SOCS2: variants seen among roughly 807,000 people sequenced by gnomAD.
SOCS2 encodes the protein suppressor of cytokine signaling 2.
A neutral mutation model predicts 18.6 loss-of-function variants in SOCS2; 10 were observed. The observed-to-expected ratio is 0.54, with a 90% confidence interval of 0.33 to 0.91. The LOEUF (loss-of-function observed/expected upper bound fraction) is 0.91, where lower values mean the gene tolerates loss of function less well. Ranked by LOEUF, SOCS2 falls within the 40% of genes least tolerant of loss-of-function variation. The pLI, the probability that SOCS2 is intolerant of heterozygous loss-of-function variation, is 0.02. For synonymous variants in SOCS2, 104 were observed against 104.0 expected, an observed-to-expected ratio of 1.00 and a Z score of 0.00; for missense variants, 231 against 247.2, an observed-to-expected ratio of 0.93 and a Z score of 0.44.
At chr12:93,598,416 G>A in the SOCS2 span, among the ~76,000 whole-genome samples, 1 of 152,146 alleles carries the variant, frequency 6.6e-6, no homozygotes, top group Non-Finnish European at 1.5e-5. Flanking sequence ...GGCTGCAGTG[G>A]GAAGCCATTG....
At chr12:93,577,864 GA>G (rs1954488870), downstream of SOCS2, among the ~76,000 whole-genome samples, 3 of 152,162 alleles carry the variant, frequency 2.0e-5, no homozygotes, top group East Asian at 1.9e-4. Context: ...ATACATGGTG[GA>G]AAAAAAGTAC....
At chr12:93,582,747 G>C (rs1325775969) in intron 1 of SOCS2, among the ~76,000 whole-genome samples, 1 of 152,102 alleles carries the variant, frequency 6.6e-6, no homozygotes, top group Non-Finnish European at 1.5e-5. Flanking sequence ...CTCTGACCTT[G>C]GGCCAAACAT....
At chr12:93,619,055 A>G in the SOCS2 span, among the ~76,000 whole-genome samples, 1 of 152,216 alleles carries the variant, frequency 6.6e-6, no homozygotes, top group Non-Finnish European at 1.5e-5. Flanking sequence ...CAGGGTTAAG[A>G]GAACACATGA....
At chr12:93,601,215 C>G in the SOCS2 span, among the ~76,000 whole-genome samples, 1 of 150,984 alleles carries the variant, frequency 6.6e-6, no homozygotes, top group South Asian at 2.1e-4. Context: ...TGAATTCTTA[C>G]TAATTCTAAT....
the SOCS2 span, among the ~76,000 whole-genome samples, chr12:93,594,308 C>T: frequency 6.6e-6 from 1 of 152,112 alleles, no homozygotes; most frequent in South Asian, 2.1e-4. Flanking sequence ...TTGAGCTGAA[C>T]TCTGAGGCTC....
At chr12:93,625,303 A>G in the SOCS2 span, among the ~76,000 whole-genome samples, 1 of 152,246 alleles carries the variant, frequency 6.6e-6, no homozygotes, top group Non-Finnish European at 1.5e-5. Context: ...TTACCGTCAT[A>G]GTATACTCCA....
chr12:93,586,975 C>A (rs1291635994), downstream of SOCS2, among the ~76,000 whole-genome samples: 5 of 152,130 alleles, frequency 3.3e-5, no homozygotes, highest in Middle Eastern at 3.2e-3. Flanking sequence ...CAAGACCAGC[C>A]TGGCCAACAT....
chr12:93,598,724 A>G, the SOCS2 span, among the ~76,000 whole-genome samples: 1 of 151,924 alleles, frequency 6.6e-6, no homozygotes, highest in Non-Finnish European at 1.5e-5. Context: ...TTCTTTATCT[A>G]TTAATTTACT....
upstream of SOCS2, chr12:93,571,758 G>T: frequency 3.1e-6 from 1 of 326,106 alleles, no homozygotes; most frequent in Non-Finnish European, 6.1e-6. Flanking sequence ...CGGGCATCTC[G>T]TTCCCAAATT....
the SOCS2 span, among the ~76,000 whole-genome samples, chr12:93,604,251 T>C: frequency 7.9e-5 from 12 of 152,266 alleles, no homozygotes; most frequent in East Asian, 7.7e-4. Flanking sequence ...AATCCTCTGA[T>C]GTGGAAAGAA....
chr12:93,588,541 G>A, the SOCS2 span, among the ~76,000 whole-genome samples: 1 of 152,022 alleles, frequency 6.6e-6, no homozygotes, highest in Non-Finnish European at 1.5e-5. Context: ...GGAGGTCAGT[G>A]TAGCCTAAGG....
downstream of SOCS2, among the ~76,000 whole-genome samples, chr12:93,586,795 T>C (rs61231395): frequency 9.1e-3 from 1,391 of 152,346 alleles, 16 homozygotes; most frequent in African/African-American, 0.032. Flanking sequence ...CAATCATTCA[T>C]TCACTCACTC....
Position 93,576,136 on chromosome 12 carries a change from T to G in SOCS2, c.*957T>G, listed in dbSNP as rs1053205708. The G allele has an allele frequency of 6.5e-6, 1 of 152,704 alleles. No homozygotes were observed. The highest frequency in any genetic ancestry group is 1.5e-5 in the Non-Finnish European group (1 of 68,052). 9.5% of individuals were successfully genotyped at this position (152,704 alleles called of 1,614,324 possible). ...ATACAGGGGGATACCTGCCTGTTTT[T>G]CAAAGTGTTTATTTACTGCTGTTAC... is the stretch of plus-strand genomic sequence containing the variant. On this transcript the variant is annotated 3_prime_UTR_variant, in exon 2 of 2. Coordinates refer to ENST00000551556, the MANE Select transcript of SOCS2 (RefSeq NM_001270471.2).
In SOCS2 at chr12:93,574,965, A is replaced by G. The variant is rs1399469223; in HGVS notation, c.383A>G (p.Tyr128Cys). The G allele has an allele frequency of 2.5e-6, 4 of 1,614,134 alleles. No homozygotes were observed. The Admixed American group carries it at 5.0e-5, about 20-fold the overall frequency. Residue 128 changes from tyrosine (Y) to cysteine (C), a missense_variant, in exon 2 of 2, where the codon TAC becomes TGC. Tyr to Cys is a radical substitution (Grantham distance 194). Coordinates refer to ENST00000551556, the MANE Select transcript of SOCS2 (RefSeq NM_001270471.2). ...GACAGTGTGGTTCATCTGATCGACT[A>G]CTATGTTCAGATGTGCAAGGATAAG... ...QFDSVVHLID[Y>C]YVQMCKDKRT...
At chr12:93,626,153 C>CTCTT in the SOCS2 span, among the ~76,000 whole-genome samples, 2 of 152,048 alleles carry the variant, frequency 1.3e-5, no homozygotes, top group African/African-American at 4.8e-5. Context: ...TAAAATGAGC[C>CTCTT]TCTTTCTATT....
At chr12:93,588,615 ATTT>A in the SOCS2 span, among the ~76,000 whole-genome samples, 9 of 141,068 alleles carry the variant, frequency 6.4e-5, no homozygotes, top group Non-Finnish European at 1.1e-4. Flanking sequence ...GAGACAGTGA[ATTT>A]TTTTTTTTTT....
Position 93,573,022 on chromosome 12 carries a change from A to G in SOCS2, c.125A>G (p.Glu42Gly). The G allele has an allele frequency of 6.4e-7, 1 of 1,565,992 alleles. No individual in the cohort carries two copies. ...GCGCGTCTGGCGAAGGCCCTGCGGG[A>G]GCTCGGTCAGACAGGTAGGGAGCCG... ...QAARLAKALRELGQTGWYWGS... is the reference protein window; with the variant it reads ...QAARLAKALRGLGQTGWYWGS... Residue 42 changes from glutamate to glycine, a missense_variant, in exon 1 of 2, where the codon GAG becomes GGG. Physicochemically the swap from Glu to Gly is moderately conservative, Grantham distance 98. Coordinates refer to ENST00000551556, the MANE Select transcript of SOCS2 (RefSeq NM_001270471.2).
At chr12:93,585,903 C>T (rs111704122), downstream of SOCS2, among the ~76,000 whole-genome samples, 1,544 of 152,240 alleles carry the variant, frequency 0.01, 29 homozygotes, top group African/African-American at 0.035. Flanking sequence ...TGCATATAAC[C>T]GGCATACACC....
downstream of SOCS2, among the ~76,000 whole-genome samples, chr12:93,578,755 C>T (rs145496196): frequency 7.2e-5 from 11 of 151,992 alleles, no homozygotes; most frequent in African/African-American, 2.7e-4. Flanking sequence ...AGGATTCAAA[C>T]GCAGATATTT....
Sources: allele counts gnomAD v4.1 joint callset (sites outside exome capture counted in the v4.1 genomes callset), GRCh38; gene constraint gnomAD v4.1.1; transcripts MANE v1.5; gene names NCBI Gene and HGNC (gene_info 2026-07-23, HGNC 2026-07-21).